DOCK1: variants seen among roughly 807,000 people sequenced by gnomAD.
The protein encoded by DOCK1 is dedicator of cytokinesis protein 1.
DOCK1 carries 138 observed loss-of-function variants against 262.7 expected under a neutral mutation model. That is an observed-to-expected ratio of 0.53 (90% CI 0.46 to 0.61). DOCK1 has a LOEUF of 0.61. Ranked by LOEUF, DOCK1 falls within the 20% of genes least tolerant of loss-of-function variation. The pLI, the probability that DOCK1 is intolerant of heterozygous loss-of-function variation, is 0.00. For missense variants in DOCK1, 1,908 were observed against 2,370.7 expected, an observed-to-expected ratio of 0.80 and a Z score of 4.05; for synonymous variants, 866 against 867.4, an observed-to-expected ratio of 1.00 and a Z score of 0.03.
At chr10:127,219,629 A>G (rs866614446) in intron 27 of DOCK1, among the ~76,000 whole-genome samples, 29 of 152,278 alleles carry the variant, frequency 1.9e-4, no homozygotes, top group Middle Eastern at 6.8e-3. Flanking sequence ...TTAAATAACA[A>G]CACCCCATTT....
chr10:127,386,836 C>T (rs79436374), intron 38 of DOCK1, among the ~76,000 whole-genome samples: 5,374 of 152,216 alleles, frequency 0.035, 110 homozygotes, highest in Non-Finnish European at 0.046. Flanking sequence ...GGTTGGGGAC[C>T]GCTGCTGTAG....
intron 46 of DOCK1, among the ~76,000 whole-genome samples, chr10:127,422,934 C>T (rs868172266): frequency 2.6e-5 from 4 of 151,944 alleles, no homozygotes; most frequent in Admixed American, 2.6e-4. Context: ...ATAATTTGTT[C>T]CCCAGAGAGC....
intron 23 of DOCK1, among the ~76,000 whole-genome samples, chr10:127,079,376 C>T (rs1186034898): frequency 6.6e-6 from 1 of 152,230 alleles, no homozygotes; most frequent in Non-Finnish European, 1.5e-5. Flanking sequence ...CATTTCCTCT[C>T]TGGAATCCTT....
intron 1 of DOCK1, among the ~76,000 whole-genome samples, chr10:126,934,829 A>C (rs1305571212): frequency 2.6e-5 from 4 of 151,062 alleles, no homozygotes; most frequent in Admixed American, 2.6e-4. Context: ...GGAAAGTATA[A>C]AACTAGGCCG....
At chr10:127,046,114 A>T (rs1350670975) in intron 21 of DOCK1, among the ~76,000 whole-genome samples, 2 of 152,112 alleles carry the variant, frequency 1.3e-5, no homozygotes, top group Non-Finnish European at 2.9e-5. Context: ...TGGTTTGAAG[A>T]ATTCCCAAAA....
chr10:127,138,479 C>T (rs1726870377), intron 27 of DOCK1, among the ~76,000 whole-genome samples: 2 of 152,138 alleles, frequency 1.3e-5, no homozygotes. Context: ...TTTCTCTGAT[C>T]TCCCACCTAA....
Position 127,177,669 on chromosome 10 carries a change from G to A in DOCK1, c.2847+49905G>A, listed in dbSNP as rs139676892. ...CCCCCAGCCCAGCTGCCGACCTTGT[G>A]CCCTGTCCTGGGGGTGTCTGAAAAA... is the stretch of plus-strand genomic sequence containing the variant. On this transcript the variant is annotated intron_variant, in intron 27 of 51. Transcript: ENST00000623213. Among the ~76,000 whole-genome samples the A allele has an allele frequency of 6.1e-3, 933 of 152,306 alleles. 11 individuals are homozygous for A. Among genetic ancestry groups the A allele is most frequent in the African/African-American group, 0.021 (889 of 41,572 alleles).
chr10:127,141,644 C>G (rs2051259167), intron 27 of DOCK1, among the ~76,000 whole-genome samples: 1 of 151,802 alleles, frequency 6.6e-6, no homozygotes, highest in African/African-American at 2.4e-5. Flanking sequence ...GCACTCCACC[C>G]TGGGTGACAG....
intron 4 of DOCK1, among the ~76,000 whole-genome samples, chr10:126,982,701 C>A (rs1350870759): frequency 6.6e-6 from 1 of 152,114 alleles, no homozygotes; most frequent in Non-Finnish European, 1.5e-5. Context: ...ATGAAAAGAA[C>A]CGTTCGGGTT....
chr10:127,339,257 A>G (rs571371330), intron 30 of DOCK1, among the ~76,000 whole-genome samples, 173 bp downstream of exon 30: 6 of 152,176 alleles, frequency 3.9e-5, no homozygotes, highest in Non-Finnish European at 8.8e-5. Flanking sequence ...TGAAAATTAT[A>G]CTTTTGGAGT....
intron 32 of DOCK1, among the ~76,000 whole-genome samples, chr10:127,361,103 G>GTTT (rs2064399080): frequency 1.5e-5 from 2 of 136,328 alleles, no homozygotes; most frequent in African/African-American, 2.8e-5. Flanking sequence ...TAATAAAGTA[G>GTTT]TTCTTTTTTT....
chr10:127,223,147 C>G (rs1044599123), intron 27 of DOCK1, among the ~76,000 whole-genome samples: 8 of 152,176 alleles, frequency 5.3e-5, no homozygotes, highest in Admixed American at 3.3e-4. Context: ...TACTGAAAAT[C>G]TCTTTGAATT....
chr10:126,906,214 GT>G (rs2030781793), intron 1 of DOCK1, among the ~76,000 whole-genome samples: 1 of 152,220 alleles, frequency 6.6e-6, no homozygotes, highest in African/African-American at 2.4e-5. Flanking sequence ...GCGGGGGCCT[GT>G]TTTTGCTCCG....
rs780873777 is a variant in DOCK1, at chr10:127,110,331, A to G, written c.2600A>G (p.His867Arg). ...CTCTACTGCTTGATCGAAATCGTCCACAGTGACCTCTTCACACAGCATGGT... is the reference window on the plus strand; with the variant it reads ...CTCTACTGCTTGATCGAAATCGTCCGCAGTGACCTCTTCACACAGCATGGT... ...QKLYCLIEIV[H>R]SDLFTQHDCR... Residue 867 changes from histidine (H) to arginine (R), a missense_variant, in exon 25 of 52, where the codon CAC becomes CGC. Physicochemically the swap from His to Arg is conservative, Grantham distance 29 (BLOSUM62 0). Transcript: ENST00000623213. 6.2e-7 allele frequency: 1 copy of G among 1,613,268 alleles called. No homozygotes were observed. Among genetic ancestry groups the G allele is most frequent in the Non-Finnish European group, 8.5e-7 (1 of 1,179,610 alleles).
intron 27 of DOCK1, among the ~76,000 whole-genome samples, chr10:127,227,030 G>A (rs754651444): frequency 3.9e-5 from 6 of 152,176 alleles, no homozygotes; most frequent in African/African-American, 9.7e-5. Context: ...CCCCAGCACC[G>A]GACTTGGCCT....
chr10:127,289,828 G>A (rs1325301580), intron 29 of DOCK1, among the ~76,000 whole-genome samples: 1 of 148,932 alleles, frequency 6.7e-6, no homozygotes, highest in Non-Finnish European at 1.5e-5. Flanking sequence ...CTCAATTACA[G>A]ATTTGTTAGA....
chr10:126,948,852 G>C (rs1373951313), intron 1 of DOCK1, among the ~76,000 whole-genome samples: 1 of 152,096 alleles, frequency 6.6e-6, no homozygotes, highest in African/African-American at 2.4e-5. Flanking sequence ...CCTTTCCTGA[G>C]GTTGGGGATA....
chr10:127,084,676 C>A (rs1259140936), intron 23 of DOCK1, among the ~76,000 whole-genome samples: 1 of 152,192 alleles, frequency 6.6e-6, no homozygotes, highest in African/African-American at 2.4e-5. Context: ...GGGAATGGAG[C>A]TCAAACTTCA....
chr10:127,057,710 T>G (rs2045255437), intron 22 of DOCK1, among the ~76,000 whole-genome samples: 1 of 152,210 alleles, frequency 6.6e-6, no homozygotes, highest in South Asian at 2.1e-4. Context: ...AGAATCAAAT[T>G]ACTAAATCTA....
Sources: allele counts gnomAD v4.1 joint callset (sites outside exome capture counted in the v4.1 genomes callset), GRCh38; gene constraint gnomAD v4.1.1; transcripts MANE v1.5; gene names NCBI Gene and HGNC (gene_info 2026-07-23, HGNC 2026-07-21).